NTRK2: variants seen among roughly 807,000 people sequenced by gnomAD.
NTRK2 encodes the protein BDNF/NT-3 growth factors receptor.
Under a neutral mutation model 94.5 loss-of-function variants are expected in NTRK2, and 13 were observed. That is an observed-to-expected ratio of 0.14 (90% CI 0.09 to 0.22). The LOEUF is 0.22. Among genes scored for constraint, NTRK2 ranks in the 10% least tolerant of loss-of-function variants. NTRK2 has a pLI of 1.00. For synonymous variants in NTRK2, 372 were observed against 407.4 expected, an observed-to-expected ratio of 0.91 and a Z score of 1.05; for missense variants, 639 against 1,071.2, an observed-to-expected ratio of 0.60 and a Z score of 5.63.
intron 9 of NTRK2, among the ~76,000 whole-genome samples, chr9:84,734,562 G>C (rs146163556): frequency 1.1e-3 from 166 of 152,300 alleles, no homozygotes; most frequent in Middle Eastern, 3.4e-3. Flanking sequence ...TGATTTCCAC[G>C]TGTGGTGGGA....
At chr9:84,698,365 T>C (rs1315807424) in intron 2 of NTRK2, among the ~76,000 whole-genome samples, 1 of 148,296 alleles carries the variant, frequency 6.7e-6, no homozygotes, top group East Asian at 2.0e-4. Flanking sequence ...TGTTCAAATA[T>C]GTAGATCTGA....
intron 15 of NTRK2, among the ~76,000 whole-genome samples, chr9:84,940,874 T>C (rs1394217165): frequency 6.6e-6 from 1 of 152,230 alleles, no homozygotes; most frequent in Non-Finnish European, 1.5e-5. Flanking sequence ...ATATCACTTT[T>C]CACGTCTTCA....
chr9:84,679,560 G>C (rs1163608812), intron 2 of NTRK2, among the ~76,000 whole-genome samples: 1 of 152,094 alleles, frequency 6.6e-6, no homozygotes, highest in Non-Finnish European at 1.5e-5. Context: ...ACAGTATCAG[G>C]GTCTGGGATT....
At chr9:84,963,698 A>T (rs941030016) in intron 17 of NTRK2, among the ~76,000 whole-genome samples, 4 of 152,084 alleles carry the variant, frequency 2.6e-5, no homozygotes, top group Non-Finnish European at 5.9e-5. Context: ...TGCTTTTCCC[A>T]CCAACCCCCT....
Position 84,934,183 on chromosome 9 carries a change from A to G in NTRK2, c.1655A>G (p.His552Arg), listed in dbSNP as rs763470905. ...PDTFVQHIKR[H>R]NIVLKRELGE... ...GCAGTTGTTCAGCACATCAAGCGAC[A>G]TAACATTGTTCTGAAAAGGGAGCTA... is the stretch of plus-strand genomic sequence containing the variant. The change falls in exon 15 of 19, where the codon CAT becomes CGT. Residue 552 changes from histidine to arginine, a missense_variant. His to Arg is a conservative substitution (Grantham distance 29, BLOSUM62 0). Coordinates refer to ENST00000277120, the MANE Select transcript of NTRK2 (RefSeq NM_006180.6). The G allele has an allele frequency of 6.2e-7, 1 of 1,614,056 alleles. No homozygotes were observed. The highest frequency in any genetic ancestry group is 1.7e-5 in the Admixed American group (1 of 60,010).
chr9:84,899,150 G>T (rs2076850834), intron 14 of NTRK2, among the ~76,000 whole-genome samples: 1 of 152,176 alleles, frequency 6.6e-6, no homozygotes, highest in Admixed American at 6.5e-5. Context: ...CCTCTTAGAA[G>T]GATGTCAGCA....
At chr9:84,874,443 GCTT>G (rs1378144834) in intron 14 of NTRK2, 50 of 1,065,676 alleles carry the variant, frequency 4.7e-5, no homozygotes, top group Non-Finnish European at 5.7e-5. Flanking sequence ...CCGTAGCTGG[GCTT>G]CTTCTCAGAT....
In NTRK2 at chr9:84,934,286, A is replaced by T. The variant is rs2132721130; in HGVS notation, c.1758A>T (p.Ala586=). ...CTGAGCAGGACAAGATCTTGGTGGC[A>T]GTGAAGGTAAGAGAACATTCCAGAA... ...LCPEQDKILV[A]VKTLKDASDN... is the part of the protein sequence containing the mutation. The change falls in exon 15 of 19, where the codon GCA becomes GCT. Residue 586 remains alanine (A), a synonymous_variant. Transcript: ENST00000277120. The T allele has an allele frequency of 6.2e-7, 1 of 1,614,040 alleles. No homozygotes were observed. The highest frequency in any genetic ancestry group is 1.1e-5 in the South Asian group (1 of 91,082).
intron 17 of NTRK2, among the ~76,000 whole-genome samples, chr9:85,006,944 G>A (rs566621710): frequency 2.0e-4 from 31 of 152,278 alleles, no homozygotes; most frequent in African/African-American, 7.0e-4. Flanking sequence ...GGTTTTAGCT[G>A]CTGGTTCTCC....
intron 17 of NTRK2, among the ~76,000 whole-genome samples, chr9:84,993,205 C>A (rs961896024): frequency 3.9e-5 from 6 of 152,132 alleles, no homozygotes; most frequent in Non-Finnish European, 8.8e-5. Context: ...ACTCCTCTTC[C>A]CAAAGCCATT....
intron 12 of NTRK2, among the ~76,000 whole-genome samples, chr9:84,841,395 C>CTAAT: frequency 6.6e-6 from 1 of 152,324 alleles, no homozygotes; most frequent in East Asian, 1.9e-4. Context: ...CACCCCCAGC[C>CTAAT]TATATTAGCT....
Position 84,897,283 on chromosome 9 carries a change from C to A in NTRK2, c.1633+29852C>A, listed in dbSNP as rs112752151. ...TCCCGAGTAGCTGGGATTACAGGCA[C>A]GCACCACCACACCCAGCTAATTTTT... On this transcript the variant is annotated intron_variant, in intron 14 of 18. Coordinates refer to ENST00000277120, the MANE Select transcript of NTRK2 (RefSeq NM_006180.6). Among the ~76,000 whole-genome samples, 4 of 152,142 alleles carry A rather than the reference C, an allele frequency of 2.6e-5. No individual in the cohort carries two copies. In the South Asian group the frequency reaches 8.3e-4, roughly 32 times the overall value.
chr9:84,820,975 T>A (rs1399137633), intron 12 of NTRK2, among the ~76,000 whole-genome samples: 2 of 152,178 alleles, frequency 1.3e-5, no homozygotes, highest in African/African-American at 4.8e-5. Context: ...TTTTCCTTTG[T>A]CTCTTGGGTG....
At chr9:84,674,263 A>C (rs2058890909) in intron 2 of NTRK2, among the ~76,000 whole-genome samples, 1 of 152,140 alleles carries the variant, frequency 6.6e-6, no homozygotes, top group African/African-American at 2.4e-5. Context: ...GAATTTCTCC[A>C]GTGGTATTCT....
intron 14 of NTRK2, chr9:84,875,438 C>A: frequency 9.4e-7 from 1 of 1,062,268 alleles, no homozygotes; most frequent in Non-Finnish European, 1.1e-6. Flanking sequence ...TCTGACAAGG[C>A]AGGCTGAGAG....
At chr9:84,895,592 T>A (rs561199221) in intron 14 of NTRK2, among the ~76,000 whole-genome samples, 1 of 152,312 alleles carries the variant, frequency 6.6e-6, no homozygotes, top group Non-Finnish European at 1.5e-5. Context: ...CCGGTTCTTA[T>A]TATCTTTTTA....
At chr9:84,713,953 T>G (rs1228866973) in intron 6 of NTRK2, among the ~76,000 whole-genome samples, 1 of 152,092 alleles carries the variant, frequency 6.6e-6, no homozygotes, top group African/African-American at 2.4e-5. Flanking sequence ...ATGTCTTCAG[T>G]TCTGGAAAAT....
intron 14 of NTRK2, chr9:84,874,693 A>T: frequency 9.4e-7 from 1 of 1,062,082 alleles, no homozygotes; most frequent in Non-Finnish European, 1.1e-6. Context: ...CCTTGGACTC[A>T]GCCCCTAACT....
chr9:84,870,101 ATATATATATATATATAT>A (rs2075774606), intron 14 of NTRK2, among the ~76,000 whole-genome samples: 1 of 36,882 alleles, frequency 2.7e-5, no homozygotes, highest in Non-Finnish European at 1.0e-4. Flanking sequence ...CATTGACTAT[ATATATATATATATATAT>A]ATATATATAC....
Sources: gnomAD v4.1 joint callset for allele counts (sites outside exome capture counted in the v4.1 genomes callset) on GRCh38, gnomAD v4.1.1 for gene constraint, MANE v1.5 for transcripts, NCBI Gene and HGNC (gene_info 2026-07-23, HGNC 2026-07-21) for gene names.